Variants in QTMAN observed in about 807,000 individuals in gnomAD.
QTMAN encodes the protein queuosine-tRNA mannosyltransferase.
chr2:144,092,427 G>A, the QTMAN span, among the ~76,000 whole-genome samples: 31 of 151,866 alleles, frequency 2.0e-4, no homozygotes, highest in African/African-American at 6.3e-4. Flanking sequence ...CGCCCACCTC[G>A]GCCTCCCAAA....
At chr2:144,207,615 T>G in the QTMAN span, among the ~76,000 whole-genome samples, 3 of 152,256 alleles carry the variant, frequency 2.0e-5, no homozygotes, top group East Asian at 5.8e-4. Context: ...ACTTAAAGTT[T>G]TATATCATTT....
At chr2:144,179,935 T>C in the QTMAN span, among the ~76,000 whole-genome samples, 3 of 152,146 alleles carry the variant, frequency 2.0e-5, no homozygotes, top group African/African-American at 7.2e-5. Flanking sequence ...CATATGGAAT[T>C]TTGTAGTTTG....
At chr2:144,238,003 A>T in the QTMAN span, among the ~76,000 whole-genome samples, 3 of 152,172 alleles carry the variant, frequency 2.0e-5, no homozygotes, top group Non-Finnish European at 2.9e-5. Flanking sequence ...AGGCTAGTCT[A>T]ACTTTCAAAT....
At chr2:144,222,772 C>T in the QTMAN span, among the ~76,000 whole-genome samples, 2 of 152,070 alleles carry the variant, frequency 1.3e-5, no homozygotes, top group African/African-American at 4.8e-5. Context: ...GGCGCCACTG[C>T]ATTCCAGCCT....
At chr2:144,301,030 A>G in the QTMAN span, among the ~76,000 whole-genome samples, 12 of 152,350 alleles carry the variant, frequency 7.9e-5, no homozygotes, top group African/African-American at 2.6e-4. Flanking sequence ...TACATTGAAA[A>G]AAAGAAAGAA....
the QTMAN span, among the ~76,000 whole-genome samples, chr2:144,199,285 G>A: frequency 6.6e-6 from 1 of 152,184 alleles, no homozygotes; most frequent in Non-Finnish European, 1.5e-5. Flanking sequence ...CTGACCCCAG[G>A]TGATCCGCCC....
chr2:143,991,484 C>T, the QTMAN span, among the ~76,000 whole-genome samples: 12 of 134,806 alleles, frequency 8.9e-5, no homozygotes, highest in African/African-American at 2.3e-4. Flanking sequence ...AGGTGAGGGG[C>T]GCCTCTGCCC....
chr2:144,158,702 T>A, the QTMAN span, among the ~76,000 whole-genome samples: 1 of 151,990 alleles, frequency 6.6e-6, no homozygotes, highest in African/African-American at 2.4e-5. Context: ...AAGCCTGCAT[T>A]AACAACATTA....
chr2:144,308,158 G>A, the QTMAN span, among the ~76,000 whole-genome samples: 3 of 148,696 alleles, frequency 2.0e-5, no homozygotes, highest in African/African-American at 7.5e-5. Context: ...ATATATGATT[G>A]GTTGTTTTTT....
the QTMAN span, among the ~76,000 whole-genome samples, chr2:144,234,515 T>C: frequency 3.3e-5 from 5 of 152,272 alleles, no homozygotes; most frequent in South Asian, 8.3e-4. Context: ...AAGCTCAGCA[T>C]CATCTAGAAG....
chr2:144,074,814 G>C, the QTMAN span, among the ~76,000 whole-genome samples: 2 of 152,120 alleles, frequency 1.3e-5, no homozygotes, highest in East Asian at 3.8e-4. Context: ...CCAAAAATGT[G>C]TCAGAGGCTA....
chr2:144,026,129 C>T, the QTMAN span, among the ~76,000 whole-genome samples: 35 of 152,070 alleles, frequency 2.3e-4, no homozygotes, highest in African/African-American at 8.2e-4. Context: ...AAGGTAGAAA[C>T]CACAAAAGAA....
the QTMAN span, among the ~76,000 whole-genome samples, chr2:143,947,913 A>G: frequency 1.3e-5 from 2 of 152,024 alleles, no homozygotes; most frequent in African/African-American, 4.8e-5. Flanking sequence ...AAGGGAGGGA[A>G]AGGCAGAGGA....
the QTMAN span, among the ~76,000 whole-genome samples, chr2:144,024,649 A>C: frequency 6.6e-6 from 1 of 152,194 alleles, no homozygotes; most frequent in African/African-American, 2.4e-5. Flanking sequence ...TTAAAGAGTG[A>C]CTGTCACATC....
chr2:144,089,488 C>T, the QTMAN span, among the ~76,000 whole-genome samples: 536 of 152,052 alleles, frequency 3.5e-3, 6 homozygotes, highest in African/African-American at 0.012. Context: ...AATAACTGTA[C>T]TGGCAGGTTT....
At chr2:144,100,859 C>CTTTTT in the QTMAN span, among the ~76,000 whole-genome samples, 923 of 77,978 alleles carry the variant, frequency 0.012, 17 homozygotes, top group Non-Finnish European at 0.016. Flanking sequence ...GTCTTTCTTT[C>CTTTTT]TTTTTTTTTT....
At chr2:144,188,853 TTTTC>T in the QTMAN span, among the ~76,000 whole-genome samples, 1 of 152,172 alleles carries the variant, frequency 6.6e-6, no homozygotes, top group South Asian at 2.1e-4. Context: ...CCAATTAGTG[TTTTC>T]TTTAATTAGC....
At chr2:144,000,657 T>C in the QTMAN span, among the ~76,000 whole-genome samples, 1 of 151,996 alleles carries the variant, frequency 6.6e-6, no homozygotes, top group Non-Finnish European at 1.5e-5. Flanking sequence ...TGAAAACGAA[T>C]AGTGCTAATG....
chr2:144,065,864 C>T, the QTMAN span, among the ~76,000 whole-genome samples: 1 of 151,410 alleles, frequency 6.6e-6, no homozygotes, highest in African/African-American at 2.4e-5. Context: ...CATTAGACTC[C>T]AATCCAGAAA....
Sources: allele counts gnomAD v4.1 joint callset (sites outside exome capture counted in the v4.1 genomes callset), GRCh38; gene constraint gnomAD v4.1.1; transcripts MANE v1.5; gene names NCBI Gene and HGNC (gene_info 2026-07-23, HGNC 2026-07-21).